ADGRV1: variants seen among roughly 807,000 people sequenced by gnomAD.
ADGRV1 encodes the protein adhesion G protein-coupled receptor V1.
In ADGRV1, 359 loss-of-function variants were observed where a neutral mutation model predicts 596.2. That is an observed-to-expected ratio of 0.60 (90% CI 0.55 to 0.66). The LOEUF (loss-of-function observed/expected upper bound fraction) is 0.66, where lower values mean the gene tolerates loss of function less well. ADGRV1 is among the 30% of genes least tolerant of loss of function. The pLI is 0.00. For missense variants in ADGRV1, 7,274 were observed against 7,575.6 expected (o/e 0.96, Z 1.48); for synonymous variants, 2,681 against 2,679.2 (o/e 1.00, Z -0.02).
chr5:91,078,294 G>A (rs530423545), intron 86 of ADGRV1, among the ~76,000 whole-genome samples: 1 of 152,130 alleles, frequency 6.6e-6, no homozygotes, highest in South Asian at 2.1e-4. Context: ...TTTTACTCTT[G>A]TCGTTTTTAA....
At chr5:90,880,663 G>T (rs1440784171) in intron 83 of ADGRV1, among the ~76,000 whole-genome samples, 1 of 152,144 alleles carries the variant, frequency 6.6e-6, no homozygotes, top group Non-Finnish European at 1.5e-5. Context: ...ATCAAGAAAT[G>T]ATATAAGAAG....
chr5:90,957,162 A>C (rs2150932039), intron 83 of ADGRV1, among the ~76,000 whole-genome samples: 1 of 152,294 alleles, frequency 6.6e-6, no homozygotes, highest in Middle Eastern at 3.4e-3. Flanking sequence ...GTCTTTCCTT[A>C]GGTCTGTGCC....
At chr5:90,926,612 G>GT (rs1213159688) in intron 83 of ADGRV1, among the ~76,000 whole-genome samples, 5 of 151,826 alleles carry the variant, frequency 3.3e-5, no homozygotes, top group African/African-American at 1.2e-4. Context: ...TTTTTGAAGG[G>GT]TTTTTTGTGT....
In ADGRV1 at chr5:90,576,548, A is replaced by G. The variant is rs1757246002; in HGVS notation, c.22+17631A>G. Among the ~76,000 whole-genome samples the G allele has an allele frequency of 2.6e-5, 4 of 152,110 alleles. No homozygotes were observed. The South Asian group carries it at 6.2e-4, about 24-fold the overall frequency. On this transcript the variant is annotated intron_variant, in intron 1 of 89. Coordinates refer to ENST00000405460, the MANE Select transcript of ADGRV1 (RefSeq NM_032119.4). ...TTTGGGTTGGTTCCAAGTTTTTGCT[A>G]TTGTGAATAGTGCCGCAACAAAAAT...
At chr5:91,051,546 T>A (rs1253984520) in intron 85 of ADGRV1, among the ~76,000 whole-genome samples, 8 of 84,608 alleles carry the variant, frequency 9.5e-5, no homozygotes, top group Non-Finnish European at 2.4e-4. Flanking sequence ...GATTTTTTTT[T>A]TTTTTTTTTT....
At chr5:90,665,480 T>C (rs1771173758) in intron 21 of ADGRV1, among the ~76,000 whole-genome samples, 2 of 152,162 alleles carry the variant, frequency 1.3e-5, no homozygotes, top group Non-Finnish European at 2.9e-5. Flanking sequence ...CATTTTTTAT[T>C]CCGTCTATTT....
rs557326936 is a variant in ADGRV1 at position 90,778,639 on chromosome 5, AT to A, written c.12849+31del. On this transcript the variant is annotated intron_variant, in intron 63 of 89. Transcript: ENST00000405460. ...AGTATGAAATGCTTAAGATTTTAAT[AT>A]CATTTTTATTTTTAGATATGAAAAT... 1.7e-4 allele frequency: 249 copies of A among 1,463,308 alleles called. No individual in the cohort carries two copies. The South Asian group carries it at 3.5e-3, about 21-fold the overall frequency. The allele number at this position is 1,463,308 out of a possible 1,614,324, so 90.6% of individuals were successfully genotyped here.
chr5:90,774,136 T>A, intron 59 of ADGRV1, 50 bp from the exon 60 acceptor site: 1 of 988,070 alleles, frequency 1.0e-6, no homozygotes, highest in Non-Finnish European at 1.5e-6. Flanking sequence ...ACATTCAAAC[T>A]TTGGCTTTGG....
rs148367306 is a variant in ADGRV1 at position 90,703,893 on chromosome 5, T to C, written c.8286+98T>C. 6.4e-5 allele frequency: 55 copies of C among 855,384 alleles called. No homozygotes were observed. In the African/African-American group the frequency reaches 8.6e-4, roughly 13 times the overall value. The allele number at this position is 855,384 out of a possible 1,614,324, so 53.0% of individuals were successfully genotyped here. On this transcript the variant is annotated intron_variant, in intron 35 of 89. Transcript: ENST00000405460. The stretch of plus-strand genomic sequence containing the variant: ...AAGCAGCACTATTGTAGTTATTATC[T>C]TTCTCTCTTCTCCAGACCTACTTCG...
At chr5:91,136,901 C>T (rs993477643) in intron 87 of ADGRV1, among the ~76,000 whole-genome samples, 2 of 151,860 alleles carry the variant, frequency 1.3e-5, no homozygotes, top group Non-Finnish European at 2.9e-5. Flanking sequence ...GTCAAATTAC[C>T]GATTACAAGA....
chr5:90,721,000 G>T lies in ADGRV1; in HGVS notation c.9689G>T (p.Gly3230Val). The T allele has an allele frequency of 1.2e-6, 2 of 1,612,604 alleles. No individual in the cohort carries two copies. The highest frequency in any genetic ancestry group is 1.7e-6 in the Non-Finnish European group (2 of 1,179,002). Residue 3230 changes from glycine (G) to valine (V), a missense_variant, in exon 45 of 90, where the codon GGC becomes GTC. Coordinates refer to ENST00000405460, the MANE Select transcript of ADGRV1 (RefSeq NM_032119.4). ...TVYLNVSRTN[G>V]IDLAVSVQWE... ...TATTTAAATGTATCTCGAACTAATG[G>T]CATTGATTTGGCTGTGAGTGTGCAG...
chr5:90,959,288 TA>T (rs1323313133), intron 83 of ADGRV1, among the ~76,000 whole-genome samples: 9 of 152,028 alleles, frequency 5.9e-5, no homozygotes, highest in African/African-American at 2.2e-4. Context: ...CTTTTTTTTT[TA>T]ATGTGTGAAG....
In ADGRV1 at chr5:90,604,817, C is replaced by G. The variant is rs1487435219; in HGVS notation, c.23-10018C>G. On this transcript the variant is annotated intron_variant, in intron 1 of 89. Transcript: ENST00000405460. Reference sequence around the variant, plus strand: ...CAGATTTATAACCTATATGAGCAAACTTTGACTTATTTTATTGCTTCTAAA... The same window carrying G: ...CAGATTTATAACCTATATGAGCAAAGTTTGACTTATTTTATTGCTTCTAAA... Among the ~76,000 whole-genome samples, 4 of 152,108 alleles carry G rather than the reference C, an allele frequency of 2.6e-5. No individual in the cohort carries two copies. The East Asian group carries it at 7.7e-4, about 29-fold the overall frequency.
At chr5:90,978,321 A>C (rs1779798867) in intron 84 of ADGRV1, among the ~76,000 whole-genome samples, 1 of 151,652 alleles carries the variant, frequency 6.6e-6, no homozygotes, top group Non-Finnish European at 1.5e-5. Flanking sequence ...TAAATAAATA[A>C]ATATTTGTTT....
At chr5:90,635,671 C>T (rs1766102428) in intron 10 of ADGRV1, among the ~76,000 whole-genome samples, 1 of 151,730 alleles carries the variant, frequency 6.6e-6, no homozygotes. Flanking sequence ...CAGCTCAGTG[C>T]AACCTCTGCC....
intron 79 of ADGRV1, among the ~76,000 whole-genome samples, chr5:90,849,627 C>T (rs1345769539): frequency 6.6e-6 from 1 of 152,088 alleles, no homozygotes; most frequent in Non-Finnish European, 1.5e-5. Flanking sequence ...TGGGCTCAAG[C>T]GATCCACCTG....
At chr5:90,698,510 G>A (rs550615429) in intron 34 of ADGRV1, among the ~76,000 whole-genome samples, 2 of 152,244 alleles carry the variant, frequency 1.3e-5, no homozygotes, top group South Asian at 4.2e-4. Context: ...TTGAACTCAC[G>A]TCTGCTGCAG....
At chr5:90,847,568 G>A (rs967986167) in intron 78 of ADGRV1, among the ~76,000 whole-genome samples, 3 of 152,318 alleles carry the variant, frequency 2.0e-5, no homozygotes, top group Admixed American at 1.3e-4. Context: ...GGAGCAGGGG[G>A]AGGTGCTTGT....
chr5:90,755,267 A>T (rs375856991), intron 55 of ADGRV1, 82 bp downstream of exon 55: 21 of 847,008 alleles, frequency 2.5e-5, no homozygotes, highest in Admixed American at 1.5e-4. Context: ...GTAAGTAAAA[A>T]TCTTTTTTTT....
Sources: allele counts gnomAD v4.1 joint callset (sites outside exome capture counted in the v4.1 genomes callset), GRCh38; gene constraint gnomAD v4.1.1; transcripts MANE v1.5; gene names NCBI Gene and HGNC (gene_info 2026-07-23, HGNC 2026-07-21).